Variants in BICRA observed in about 807,000 individuals in gnomAD.
BICRA encodes BRD4-interacting chromatin-remodeling complex-associated protein.
In BICRA, 31 loss-of-function variants were observed where a neutral mutation model predicts 96.9. The ratio of observed to expected loss-of-function variants is 0.32; its 90% CI spans 0.24 to 0.43. BICRA has a LOEUF of 0.43. BICRA is among the 20% of genes least tolerant of loss of function. BICRA has a pLI of 1.00. For missense variants in BICRA, 2,283 were observed against 2,190.3 expected (o/e 1.04, Z -0.84); for synonymous variants, 1,350 against 1,071.8 (o/e 1.26, Z -5.07).
intron 11 of BICRA, among the ~76,000 whole-genome samples, chr19:47,697,247 G>A (rs1973360495): frequency 6.6e-6 from 1 of 151,870 alleles, no homozygotes; most frequent in South Asian, 2.1e-4. Flanking sequence ...GCCTCCCAAG[G>A]TGCTGGGATT....
chr19:47,693,985 C>T (rs1008486907), intron 7 of BICRA, 130 bp from the exon 8 acceptor site: 1 of 1,146,246 alleles, frequency 8.7e-7, no homozygotes, highest in Admixed American at 3.2e-5. Context: ...GGGCTCCTCT[C>T]TCAGGATGGG....
intron 1 of BICRA, among the ~76,000 whole-genome samples, chr19:47,613,286 C>T (rs1971936518): frequency 6.6e-6 from 1 of 152,152 alleles, no homozygotes; most frequent in Non-Finnish European, 1.5e-5. Context: ...GTTCCCCCGC[C>T]AGCTCTCAAC....
intron 11 of BICRA, among the ~76,000 whole-genome samples, chr19:47,697,075 T>C (rs1196008407): frequency 6.6e-6 from 1 of 152,058 alleles, no homozygotes; most frequent in Admixed American, 6.6e-5. Flanking sequence ...GGCACAATAT[T>C]GGCTCACTGC....
At chr19:47,652,055 G>A (rs1264492630) in intron 1 of BICRA, among the ~76,000 whole-genome samples, 18 of 152,202 alleles carry the variant, frequency 1.2e-4, no homozygotes, top group Non-Finnish European at 1.5e-5. Flanking sequence ...GGCAGATGTC[G>A]GCCTGCTGTC....
intron 1 of BICRA, among the ~76,000 whole-genome samples, chr19:47,619,207 T>TAG (rs1251456076): frequency 6.9e-6 from 1 of 145,112 alleles, no homozygotes; most frequent in Non-Finnish European, 1.5e-5. Flanking sequence ...TATACATATA[T>TAG]ATATACACAT....
intron 10 of BICRA, among the ~76,000 whole-genome samples, chr19:47,696,069 G>A (rs967081322): frequency 1.8e-4 from 28 of 152,184 alleles, no homozygotes; most frequent in African/African-American, 5.5e-4. Context: ...GCGGGGGGGC[G>A]AAACGACAGG....
intron 1 of BICRA, among the ~76,000 whole-genome samples, chr19:47,641,357 G>C (rs577448328): frequency 6.6e-6 from 1 of 152,172 alleles, no homozygotes; most frequent in Non-Finnish European, 1.5e-5. Context: ...GAATGTTTCT[G>C]TTACCCCAAA....
chr19:47,653,008 C>T (rs1244884512), intron 1 of BICRA, among the ~76,000 whole-genome samples: 4 of 150,754 alleles, frequency 2.7e-5, no homozygotes, highest in African/African-American at 9.8e-5. Flanking sequence ...CAAAGAACGT[C>T]CTCATTCTTT....
chr19:47,638,153 C>A (rs114549814), intron 1 of BICRA, among the ~76,000 whole-genome samples: 1 of 152,116 alleles, frequency 6.6e-6, no homozygotes, highest in Non-Finnish European at 1.5e-5. Context: ...CTCCCCCTCC[C>A]CCAGCCTCAG....
chr19:47,695,330 G>A (rs1043359316), intron 9 of BICRA, 35 bp from the exon 10 acceptor site: 2 of 782,798 alleles, frequency 2.6e-6, no homozygotes, highest in Admixed American at 2.1e-5. Context: ...TGCAGTGACC[G>A]CAGGCCCTGT....
chr19:47,639,628 AATTT>A (rs1267103687), intron 1 of BICRA, among the ~76,000 whole-genome samples: 2 of 89,226 alleles, frequency 2.2e-5, no homozygotes, highest in Non-Finnish European at 4.2e-5. Flanking sequence ...GCGGCCAGCC[AATTT>A]TTTTTTTTTT....
intron 1 of BICRA, among the ~76,000 whole-genome samples, chr19:47,659,413 A>C (rs144651824): frequency 3.9e-5 from 6 of 152,288 alleles, no homozygotes; most frequent in Admixed American, 6.5e-5. Context: ...AAATAGACAC[A>C]TCATGCAAGC....
At chr19:47,640,185 C>A (rs1972363194) in intron 1 of BICRA, among the ~76,000 whole-genome samples, 1 of 152,156 alleles carries the variant, frequency 6.6e-6, no homozygotes, top group Middle Eastern at 3.2e-3. Context: ...TACTGAGCTC[C>A]TATTGTATTG....
chr19:47,675,223 G>A lies in BICRA; in HGVS notation c.85-628G>A, dbSNP rs1248229817. On this transcript the variant is annotated intron_variant, in intron 4 of 14. Coordinates refer to ENST00000594866, the MANE Select transcript of BICRA (RefSeq NM_001394372.1). The surrounding 1 kb of genome is among the most constrained non-coding windows in gnomAD (Gnocchi z 4.7). ...GGGGAAGATTCCAGAAGTCCAGGTG[G>A]TGCTGGTGGATGTACAAGTTGGGGT... is the stretch of plus-strand genomic sequence containing the variant. Among the ~76,000 whole-genome samples, 2 of 152,196 alleles carry A rather than the reference G, an allele frequency of 1.3e-5. No homozygotes were observed.
At position 47,639,539 on chromosome 19, in the gene BICRA, T is replaced by C. The variant is rs576298365; in HGVS notation, c.-108+30371T>C. ...AGAGACGGGGTTTCACCGTGTTAGCTAGGATGGTCTCGATCTCCTGACCTC... is the reference window on the plus strand; with the variant it reads ...AGAGACGGGGTTTCACCGTGTTAGCCAGGATGGTCTCGATCTCCTGACCTC... On this transcript the variant is annotated intron_variant, in intron 1 of 14. Transcript: ENST00000594866. 1.0e-3 allele frequency among the ~76,000 whole-genome samples: 156 copies of C among 151,014 alleles called. 1 individual carries two copies. The Middle Eastern group carries it at 0.024, about 24-fold the overall frequency.
chr19:47,695,985 G>A (rs978519026), intron 10 of BICRA, among the ~76,000 whole-genome samples: 7 of 152,016 alleles, frequency 4.6e-5, no homozygotes, highest in South Asian at 4.2e-4. Flanking sequence ...CCAAGAGGCC[G>A]GGAGAAGCTC....
rs1285035330 is a variant in BICRA, at chr19:47,694,939, G to C, written c.2935G>C (p.Ala979Pro). ...CATCCTCCAGAACAAGGCTGGGGGG[G>C]CCCCTGCCGCCCCGCAGACCTCCAC... ...GIILQNKAGG[A>P]PAAPQTSTSL... is the part of the protein sequence containing the mutation. The change falls in exon 9 of 15, where the codon GCC becomes CCC. Residue 979 changes from alanine (A) to proline (P), a missense_variant. Transcript: ENST00000594866. 4.6e-6 allele frequency: 7 copies of C among 1,531,310 alleles called. No individual in the cohort carries two copies. Among genetic ancestry groups the C allele is most frequent in the African/African-American group, 1.4e-5 (1 of 71,838 alleles). 94.9% of individuals were successfully genotyped at this position (1,531,310 alleles called of 1,614,324 possible). A position where few individuals can be genotyped will look rare whatever the true frequency, so the allele number is the denominator to read the frequency against.
At position 47,701,445 on chromosome 19, in the gene BICRA, C is replaced by G. The variant is rs756996253; in HGVS notation, c.3713C>G (p.Pro1238Arg). ...TCAGCTCCCGGGGCCTCCACCCAGC[C>G]CCCTCCACACCTGCCCACCAAGCTT... is the stretch of plus-strand genomic sequence containing the variant. ...SSSAPGASTQ[P>R]PPHLPTKLVI... Residue 1238 changes from proline to arginine, a missense_variant, in exon 15 of 15, where the codon CCC (proline) becomes CGC (arginine). Physicochemically the swap from Pro to Arg is moderately radical, Grantham distance 103. Transcript: ENST00000594866. This position sits in a 1 kb window ranked among gnomAD's most constrained non-coding sequence, Gnocchi z 5.4. 6.4e-7 allele frequency: 1 copy of G among 1,570,652 alleles called. No homozygotes were observed. The highest frequency in any genetic ancestry group is 1.4e-5 in the African/African-American group (1 of 73,692).
At chr19:47,619,149 T>C (rs1276125038) in intron 1 of BICRA, among the ~76,000 whole-genome samples, 1 of 151,902 alleles carries the variant, frequency 6.6e-6, no homozygotes, top group Non-Finnish European at 1.5e-5. Context: ...TCTCCTACTT[T>C]TGTGTGTATA....
Sources: gnomAD v4.1 joint callset for allele counts (sites outside exome capture counted in the v4.1 genomes callset) on GRCh38, gnomAD v4.1.1 for gene constraint, Gnocchi (gnomAD v3.1) non-coding constraint, MANE v1.5 for transcripts, NCBI Gene and HGNC (gene_info 2026-07-23, HGNC 2026-07-21) for gene names.